Variants in RBM10 observed in about 807,000 individuals in gnomAD.
RBM10 encodes RNA-binding protein 10.
RBM10 carries 1 observed loss-of-function variant against 84.9 expected under a neutral mutation model. The observed-to-expected ratio is 0.01, with a 90% CI of 0.00 to 0.06. RBM10 has a LOEUF of 0.06. Ranked by LOEUF, RBM10 falls within the 10% of genes least tolerant of loss-of-function variation. The pLI is 1.00. For missense variants in RBM10, 438 were observed against 839.0 expected, an observed-to-expected ratio of 0.52 and a Z score of 5.90; for synonymous variants, 326 against 344.5, an observed-to-expected ratio of 0.95 and a Z score of 0.60.
At chrX:47,172,686 C>T (rs1286669833) in intron 4 of RBM10, among the ~76,000 whole-genome samples, 4 of 112,745 alleles carry the variant, frequency 3.5e-5, no homozygotes, top group East Asian at 5.6e-4. Context: ...TCTCTTTTGA[C>T]GCAAGCTGCA....
chrX:47,159,770 A>C lies in RBM10; in HGVS notation c.18-9545A>C, dbSNP rs1291879281. Among the ~76,000 whole-genome samples, 23 of 112,016 alleles carry C rather than the reference A, an allele frequency of 2.1e-4. No individual in the cohort carries two copies. The Admixed American group carries it at 2.2e-3, about 11-fold the overall frequency. ...TAAGTGCTGGGATAGGTGGCTAGCC[A>C]TATTCAGAAGAATGAAACCGGACCC... On this transcript the variant is annotated intron_variant, in intron 2 of 23. Coordinates refer to ENST00000377604, the MANE Select transcript of RBM10 (RefSeq NM_005676.5).
At chrX:47,164,604 A>G (rs1292266236) in intron 2 of RBM10, among the ~76,000 whole-genome samples, 1 of 111,804 alleles carries the variant, frequency 8.9e-6, no homozygotes, top group Non-Finnish European at 1.9e-5. Flanking sequence ...AAGCACATGA[A>G]AAGATGCAAA....
rs1556782226 is a variant in RBM10 at position 47,185,806 on chromosome X, A to G, written c.2430+16A>G. 1.1e-5 allele frequency: 13 copies of G among 1,206,350 alleles called. No homozygotes were observed. Among genetic ancestry groups the G allele is most frequent in the Non-Finnish European group, 1.3e-5 (12 of 893,152 alleles). ...TGACATGGAGGTGAGGTGTGACCTG[A>G]CCCTGGGCTCCCTCCCCTGTGTCCC... On this transcript the variant is annotated intron_variant, in intron 21 of 23. Transcript: ENST00000377604.
intron 12 of RBM10, 146 bp downstream of exon 12, chrX:47,180,652 C>T: frequency 9.7e-7 from 1 of 1,032,728 alleles, no homozygotes; most frequent in Non-Finnish European, 1.3e-6. Flanking sequence ...CTACCTTGCT[C>T]CTGGCTCTCT....
intron 12 of RBM10, among the ~76,000 whole-genome samples, chrX:47,180,964 A>ACAGCAGAAT (rs1210136494): frequency 1.8e-5 from 2 of 111,793 alleles, no homozygotes; most frequent in South Asian, 3.7e-4. Flanking sequence ...CACGCCACAC[A>ACAGCAGAAT]CAGCAGAATC....
At chrX:47,165,217 G>C (rs781787721) in intron 2 of RBM10, among the ~76,000 whole-genome samples, 1 of 111,790 alleles carries the variant, frequency 8.9e-6, no homozygotes, top group East Asian at 2.8e-4. Context: ...CACTGAATTA[G>C]ATAATTAAGA....
At chrX:47,181,155 T>TCCCCACC (rs1935496335) in intron 12 of RBM10, 60 bp from the exon 13 acceptor site, 1 of 130,852 alleles carries the variant, frequency 7.6e-6, no homozygotes, top group Non-Finnish European at 1.5e-5. Context: ...TCTAGCAGGT[T>TCCCCACC]CCCCACCCCC....
intron 5 of RBM10, among the ~76,000 whole-genome samples, chrX:47,174,656 C>G (rs1224299962): frequency 9.0e-6 from 1 of 110,810 alleles, no homozygotes; most frequent in Non-Finnish European, 1.9e-5. Context: ...TCTTTGGAGG[C>G]AGATCTCTCG....
In RBM10 at chrX:47,181,821, C is replaced by G. The variant is rs2147192857; in HGVS notation, c.1648C>G (p.Pro550Ala). Reference sequence around the variant, plus strand: ...CCCTACCCATCCTAGTTCTGCTCTCCCACCGGCTACCAGCCCCACTGCCCA... The same window carrying G: ...CCCTACCCATCCTAGTTCTGCTCTCGCACCGGCTACCAGCCCCACTGCCCA... ...QSPTHPSSAL[P>A]PATSPTAQES... The change falls in exon 15 of 24, where the codon CCA becomes GCA. Residue 550 changes from proline (P) to alanine (A), a missense_variant. Transcript: ENST00000377604. 2 of 1,211,567 alleles carry G rather than the reference C, an allele frequency of 1.7e-6. No homozygotes were observed. Among genetic ancestry groups the G allele is most frequent in the Non-Finnish European group, 2.2e-6 (2 of 895,497 alleles).
At chrX:47,157,905 G>T (rs375853160) in intron 2 of RBM10, 10 of 270,546 alleles carry the variant, frequency 3.7e-5, no homozygotes, top group Non-Finnish European at 6.5e-5. Context: ...TCAGCCTCCC[G>T]AGTAGCTAGG....
chrX:47,152,441 C>CTTTTTTT (rs782688935), intron 2 of RBM10, among the ~76,000 whole-genome samples: 54 of 65,237 alleles, frequency 8.3e-4, no homozygotes, highest in Middle Eastern at 0.014. Flanking sequence ...CACTCTATAT[C>CTTTTTTT]TTTTTTTTTT....
intron 17 of RBM10, among the ~76,000 whole-genome samples, chrX:47,183,895 C>T (rs1390970084): frequency 2.7e-5 from 3 of 109,116 alleles, no homozygotes; most frequent in Non-Finnish European, 3.8e-5. Context: ...GACGGGTTTT[C>T]GCCATGTTGG....
intron 2 of RBM10, among the ~76,000 whole-genome samples, chrX:47,165,272 T>C (rs1161373828): frequency 3.6e-5 from 4 of 109,896 alleles, no homozygotes; most frequent in African/African-American, 1.3e-4. Context: ...TCCCAGCACT[T>C]TGGGAGGCCG....
rs913704387 is a variant in RBM10, at chrX:47,159,357, G to A, written c.18-9958G>A. On this transcript the variant is annotated intron_variant, in intron 2 of 23. Coordinates refer to ENST00000377604, the MANE Select transcript of RBM10 (RefSeq NM_005676.5). ...CAGGAGGTGGAGGTTGCGGTGAGCC[G>A]AGATTGCACCATTGCACTCCAGCCT... 2.9e-5 allele frequency among the ~76,000 whole-genome samples: 3 copies of A among 104,248 alleles called. No homozygotes were observed. In the Admixed American group the frequency reaches 3.1e-4, roughly 11 times the overall value. 90.5% of individuals were successfully genotyped at this position (104,248 alleles called of 115,157 possible).
At position 47,185,558 on chromosome X, in the gene RBM10, T is replaced by C. The variant is rs1556781945; in HGVS notation, c.2283T>C (p.Cys761=). 4.2e-6 allele frequency: 5 copies of C among 1,197,366 alleles called. No individual in the cohort carries two copies. Among genetic ancestry groups the C allele is most frequent in the African/African-American group, 3.5e-5 (2 of 57,566 alleles). ...EKLTDWQKLA[C]LLCRRQFPSK... ...TCACCGACTGGCAGAAGCTGGCCTG[T>C]CTGCTCTGCCGACGCCAGTTCCCCA... The change falls in exon 20 of 24, where the codon TGT becomes TGC. Residue 761 remains cysteine, a synonymous_variant. Transcript: ENST00000377604.
At position 47,174,900 on chromosome X, in the gene RBM10, C is replaced by CCT. The variant is rs782729701; in HGVS notation, c.503-116_503-115dup. 4.6e-4 allele frequency: 230 copies of CCT among 501,720 alleles called. 1 individual carries two copies. The African/African-American group carries it at 5.0e-3, about 11-fold the overall frequency. 41.3% of individuals were successfully genotyped at this position (501,720 alleles called of 1,213,427 possible). A position where few individuals can be genotyped will look rare whatever the true frequency, so the allele number is the denominator to read the frequency against. ...TGCCTCTTTCTCTTTCTTCCTTTTT[C>CCT]CTCTTCCCCTTTCCCTCTCTGCCCC... On this transcript the variant is annotated intron_variant, in intron 5 of 23. Transcript: ENST00000377604.
rs2147065515 is a variant in RBM10 at position 47,147,463 on chromosome X, C to A, written c.-19C>A. The A allele has an allele frequency of 8.3e-7, 1 of 1,211,558 alleles. No individual in the cohort carries two copies. The highest frequency in any genetic ancestry group is 1.8e-5 in the South Asian group (1 of 56,979). On this transcript the variant is annotated 5_prime_UTR_variant, in exon 2 of 24. Transcript: ENST00000377604. ...GGCTGAGGAGGGGCCCCAGCAGCCCCCGAAGGCCCTATCAGGACATGGAGT... is the reference window on the plus strand; with the variant it reads ...GGCTGAGGAGGGGCCCCAGCAGCCCACGAAGGCCCTATCAGGACATGGAGT...
chrX:47,175,256 A>C (rs1602570150), intron 6 of RBM10, among the ~76,000 whole-genome samples, 164 bp downstream of exon 6: 1 of 60,574 alleles, frequency 1.7e-5, no homozygotes, highest in Non-Finnish European at 2.9e-5. Context: ...TCCTCTTCCC[A>C]TCTCTCGCTA....
chrX:47,153,917 G>C (rs1038101532), intron 2 of RBM10, among the ~76,000 whole-genome samples: 1 of 110,782 alleles, frequency 9.0e-6, no homozygotes, highest in African/African-American at 3.3e-5. Flanking sequence ...AATTAGCTGG[G>C]CGTGGTGGCA....
Sources: gnomAD v4.1 joint callset for allele counts (sites outside exome capture counted in the v4.1 genomes callset) on GRCh38, gnomAD v4.1.1 for gene constraint, MANE v1.5 for transcripts, NCBI Gene and HGNC (gene_info 2026-07-23, HGNC 2026-07-21) for gene names.